ARHGEF37: variants seen among roughly 807,000 people sequenced by gnomAD.
The protein encoded by ARHGEF37 is Rho guanine nucleotide exchange factor 37.
ARHGEF37 carries 55 observed loss-of-function variants against 71.1 expected under a neutral mutation model. The ratio of observed to expected loss-of-function variants is 0.77; its 90% CI spans 0.62 to 0.97. The LOEUF is 0.97. ARHGEF37 is among the 50% of genes least tolerant of loss of function. The pLI is 0.00. For missense variants in ARHGEF37, 765 were observed against 836.8 expected, an observed-to-expected ratio of 0.91 and a Z score of 1.06; for synonymous variants, 327 against 350.6, an observed-to-expected ratio of 0.93 and a Z score of 0.75.
Position 149,632,418 on chromosome 5 carries a change from A to G in ARHGEF37, c.*227A>G. 3.5e-6 allele frequency: 2 copies of G among 566,804 alleles called. No individual in the cohort carries two copies. The highest frequency in any genetic ancestry group is 2.2e-5 in the South Asian group (1 of 45,768). 35.1% of individuals were successfully genotyped at this position (566,804 alleles called of 1,614,324 possible). A position where few individuals can be genotyped will look rare whatever the true frequency, so the allele number is the denominator to read the frequency against. Reference sequence around the variant, plus strand: ...CAGGACTGCTCATTATGTCTGCATAAAGAACTCATTCCGACCTGGGGTCAC... The same window carrying G: ...CAGGACTGCTCATTATGTCTGCATAGAGAACTCATTCCGACCTGGGGTCAC... On this transcript the variant is annotated 3_prime_UTR_variant, in exon 13 of 13. Coordinates refer to ENST00000333677, the MANE Select transcript of ARHGEF37 (RefSeq NM_001001669.3).
At chr5:149,623,907 T>A (rs1021141357) in intron 9 of ARHGEF37, 105 bp from the exon 10 acceptor site, 2 of 1,437,570 alleles carry the variant, frequency 1.4e-6, no homozygotes, top group African/African-American at 2.8e-5. Flanking sequence ...GGACAGAGTA[T>A]CACTCAGAAC....
intron 3 of ARHGEF37, among the ~76,000 whole-genome samples, chr5:149,601,891 A>G (rs1334913484): frequency 6.6e-6 from 1 of 152,046 alleles, no homozygotes; most frequent in Non-Finnish European, 1.5e-5. Flanking sequence ...GAAATTAGTG[A>G]GGGGAGACTG....
intron 1 of ARHGEF37, among the ~76,000 whole-genome samples, chr5:149,575,373 G>A (rs933118077): frequency 6.6e-6 from 1 of 152,200 alleles, no homozygotes; most frequent in Non-Finnish European, 1.5e-5. Flanking sequence ...GCCTACCTAA[G>A]AGCATTCCTC....
chr5:149,622,955 A>G (rs1048597364), intron 9 of ARHGEF37, among the ~76,000 whole-genome samples: 2 of 151,966 alleles, frequency 1.3e-5, no homozygotes, highest in Admixed American at 6.6e-5. Flanking sequence ...GCTTTTCCCC[A>G]TCCAATTCTT....
intron 1 of ARHGEF37, among the ~76,000 whole-genome samples, chr5:149,592,373 G>A (rs1334106353): frequency 6.6e-6 from 1 of 152,094 alleles, no homozygotes; most frequent in African/African-American, 2.4e-5. Flanking sequence ...AATTTTCTTT[G>A]TTATTAAATG....
At chr5:149,607,455 A>G in intron 3 of ARHGEF37, among the ~76,000 whole-genome samples, 2 of 152,068 alleles carry the variant, frequency 1.3e-5, no homozygotes, top group Middle Eastern at 6.8e-3. Context: ...TACATCCCCC[A>G]CCATTTTCTA....
At chr5:149,621,516 C>A (rs1471506645) in intron 8 of ARHGEF37, among the ~76,000 whole-genome samples, 1 of 152,190 alleles carries the variant, frequency 6.6e-6, no homozygotes, top group Non-Finnish European at 1.5e-5. Context: ...AATGCCTACT[C>A]TGTGCTAAGC....
At chr5:149,553,616 G>A (rs751366238) in intron 1 of ARHGEF37, among the ~76,000 whole-genome samples, 11 of 152,100 alleles carry the variant, frequency 7.2e-5, no homozygotes, top group Non-Finnish European at 1.0e-4. Context: ...CAATGAAGCC[G>A]GGGGCAGGGT....
rs1051080881 is a variant in ARHGEF37 at position 149,624,800 on chromosome 5, G to A, written c.1464+660G>A. Among the ~76,000 whole-genome samples the A allele has an allele frequency of 6.6e-5, 10 of 151,992 alleles. No individual in the cohort carries two copies. The East Asian group carries it at 1.7e-3, about 26-fold the overall frequency. ...CAACATAAATAAAAATTTTGATTAT[G>A]TCATTTAAATTTCCTATCGCTGTGG... On this transcript the variant is annotated intron_variant, in intron 10 of 12. Transcript: ENST00000333677.
chr5:149,633,247 A>G lies in ARHGEF37; in HGVS notation c.*1056A>G, dbSNP rs1752939818. The G allele has an allele frequency of 6.6e-6, 1 of 152,290 alleles. No individual in the cohort carries two copies. The highest frequency in any genetic ancestry group is 6.5e-5 in the Admixed American group (1 of 15,284). The allele number at this position is 152,290 out of a possible 1,614,324, so 9.4% of individuals were successfully genotyped here. A position where few individuals can be genotyped will look rare whatever the true frequency, so the allele number is the denominator to read the frequency against. ...GGGCTAAGCATGCAGAGCTCCCTGT[A>G]AACTGTGAAGTGTGATACAAATGTA... On this transcript the variant is annotated 3_prime_UTR_variant, in exon 13 of 13. Coordinates refer to ENST00000333677, the MANE Select transcript of ARHGEF37 (RefSeq NM_001001669.3).
chr5:149,564,567 G>T (rs1303034899), intron 1 of ARHGEF37, among the ~76,000 whole-genome samples: 1 of 152,176 alleles, frequency 6.6e-6, no homozygotes, highest in Non-Finnish European at 1.5e-5. Context: ...GCTCCCGCCT[G>T]TAATTCCAGC....
chr5:149,563,576 T>C (rs572678165), intron 1 of ARHGEF37, among the ~76,000 whole-genome samples: 1 of 152,340 alleles, frequency 6.6e-6, no homozygotes, highest in East Asian at 1.9e-4. Flanking sequence ...GTTTAGGCCA[T>C]AAACCTCTTA....
At chr5:149,594,567 A>G (rs1167636827) in intron 1 of ARHGEF37, among the ~76,000 whole-genome samples, 1 of 152,244 alleles carries the variant, frequency 6.6e-6, no homozygotes, top group Non-Finnish European at 1.5e-5. Flanking sequence ...AAATACTAAT[A>G]CATCCATAAG....
chr5:149,590,470 C>T (rs550701778), intron 1 of ARHGEF37, among the ~76,000 whole-genome samples: 13 of 151,896 alleles, frequency 8.6e-5, no homozygotes, highest in Middle Eastern at 3.4e-3. Context: ...TTAGTAGAGA[C>T]GAGGGTTCAC....
chr5:149,586,015 A>G (rs1763227214), intron 1 of ARHGEF37, among the ~76,000 whole-genome samples: 1 of 152,208 alleles, frequency 6.6e-6, no homozygotes, highest in South Asian at 2.1e-4. Context: ...AATTCAATTA[A>G]TTGAGCACCA....
chr5:149,574,557 C>T (rs1242624476), intron 1 of ARHGEF37, among the ~76,000 whole-genome samples: 1 of 152,184 alleles, frequency 6.6e-6, no homozygotes, highest in East Asian at 1.9e-4. Context: ...TTACTGCTTT[C>T]CTAGAGTGAT....
intron 2 of ARHGEF37, among the ~76,000 whole-genome samples, chr5:149,600,071 A>G (rs1763707345): frequency 6.6e-6 from 1 of 152,184 alleles, no homozygotes; most frequent in African/African-American, 2.4e-5. Context: ...CCTAGACTGG[A>G]TGGTATGGCC....
chr5:149,603,415 G>C (rs563839504), intron 3 of ARHGEF37, among the ~76,000 whole-genome samples: 1 of 152,088 alleles, frequency 6.6e-6, no homozygotes, highest in Non-Finnish European at 1.5e-5. Flanking sequence ...GCTTAGTCAC[G>C]CAGCTAGGGG....
chr5:149,620,845 G>T (rs188735428), intron 8 of ARHGEF37, among the ~76,000 whole-genome samples: 3 of 105,870 alleles, frequency 2.8e-5, no homozygotes, highest in African/African-American at 1.0e-4. Context: ...AAGAAGTCAG[G>T]CACTTTACAC....
Sources: allele counts gnomAD v4.1 joint callset (sites outside exome capture counted in the v4.1 genomes callset), GRCh38; gene constraint gnomAD v4.1.1; transcripts MANE v1.5; gene names NCBI Gene and HGNC (gene_info 2026-07-23, HGNC 2026-07-21).